The following PEPD variants were observed in gnomAD, a reference collection of about 807,000 sequenced individuals.
PEPD encodes the protein xaa-Pro dipeptidase.
PEPD carries 53 observed loss-of-function variants against 60.7 expected under a neutral mutation model. The ratio of observed to expected loss-of-function variants is 0.87; its 90% CI spans 0.70 to 1.10. PEPD has a LOEUF of 1.10. PEPD is among the 50% of genes least tolerant of loss of function. PEPD has a pLI of 0.00. For synonymous variants in PEPD, 267 were observed against 284.1 expected (o/e 0.94, Z 0.60); for missense variants, 711 against 711.9 (o/e 1.00, Z 0.01).
chr19:33,494,604 T>A (rs1304927694), intron 4 of PEPD, among the ~76,000 whole-genome samples: 1 of 152,230 alleles, frequency 6.6e-6, no homozygotes, highest in African/African-American at 2.4e-5. Flanking sequence ...TCTTCAAACA[T>A]GCAATTTTTA....
chr19:33,475,844 C>T (rs576737443), intron 7 of PEPD, among the ~76,000 whole-genome samples: 10 of 152,008 alleles, frequency 6.6e-5, no homozygotes, highest in South Asian at 2.1e-4. Context: ...TTGCCTTTTA[C>T]GGACAAGTCA....
intron 12 of PEPD, among the ~76,000 whole-genome samples, chr19:33,397,242 C>T (rs1179243489): frequency 6.6e-6 from 1 of 152,220 alleles, no homozygotes; most frequent in Non-Finnish European, 1.5e-5. Context: ...CCAAGGCCTG[C>T]ATTCCTCAAC....
At chr19:33,493,561 C>T (rs930209253) in intron 4 of PEPD, 1 of 621,946 alleles carries the variant, frequency 1.6e-6, no homozygotes, top group Admixed American at 2.3e-5. Flanking sequence ...GATAAACCTA[C>T]ACCTGGCTCG....
chr19:33,445,016 C>T (rs1969567302), intron 9 of PEPD, among the ~76,000 whole-genome samples: 2 of 152,216 alleles, frequency 1.3e-5, no homozygotes, highest in South Asian at 2.1e-4. Context: ...TGAAGTGCAA[C>T]GCAGGCTCCA....
intron 9 of PEPD, among the ~76,000 whole-genome samples, chr19:33,425,769 G>T (rs1046501795): frequency 6.6e-6 from 1 of 152,172 alleles, no homozygotes; most frequent in Non-Finnish European, 1.5e-5. Context: ...AACTGCCAGG[G>T]TGTCTCATGG....
At chr19:33,485,204 C>T (rs1970374638) in intron 6 of PEPD, among the ~76,000 whole-genome samples, 1 of 152,056 alleles carries the variant, frequency 6.6e-6, no homozygotes, top group African/African-American at 2.4e-5. Context: ...AATTAGAAAG[C>T]CAATCCTGGC....
At chr19:33,468,584 A>G in intron 7 of PEPD, among the ~76,000 whole-genome samples, 1 of 152,204 alleles carries the variant, frequency 6.6e-6, no homozygotes, top group East Asian at 1.9e-4. Context: ...GCCCTTGGGA[A>G]CTTCAAGGGA....
rs151181225 is a variant in PEPD, at chr19:33,480,840, G to GTGTA, written c.504-2751_504-2750insTACA. On this transcript the variant is annotated intron_variant, in intron 6 of 14. Transcript: ENST00000244137. Reference sequence around the variant, plus strand: ...TGTGTGTGTGTGTGTGTGTGTGTGTGTATATCAAAAACCTAACACGTAGCT... The same window carrying GTGTA: ...TGTGTGTGTGTGTGTGTGTGTGTGTGTGTATATATCAAAAACCTAACACGTAGCT... 5.5e-4 allele frequency among the ~76,000 whole-genome samples: 83 copies of GTGTA among 150,974 alleles called. 1 individual carries two copies. The highest frequency in any genetic ancestry group is 4.1e-3 in the East Asian group (21 of 5,144).
rs529210179 is a variant in PEPD at position 33,454,678 on chromosome 19, G to A, written c.671+8317C>T. Among the ~76,000 whole-genome samples, 4 of 152,080 alleles carry A rather than the reference G, an allele frequency of 2.6e-5. No individual in the cohort carries two copies. The East Asian group carries it at 7.7e-4, about 29-fold the overall frequency. ...AGGTTGAACAAATAAATAAATGAGG[G>A]AGAAGAGACAAATGTGTACAGAAGG... On this transcript the variant is annotated intron_variant, in intron 9 of 14. Coordinates refer to ENST00000244137, the MANE Select transcript of PEPD (RefSeq NM_000285.4).
chr19:33,389,301 C>G (rs969402297), intron 13 of PEPD, among the ~76,000 whole-genome samples: 3 of 152,112 alleles, frequency 2.0e-5, no homozygotes, highest in Admixed American at 6.5e-5. Context: ...GCCTCTGGGC[C>G]GCTGACCGGG....
chr19:33,451,837 T>C (rs143551269), intron 9 of PEPD, among the ~76,000 whole-genome samples: 126 of 152,218 alleles, frequency 8.3e-4, no homozygotes, highest in African/African-American at 3.0e-3. Context: ...AAATATATAA[T>C]AAAGACATAA....
chr19:33,492,173 G>T (rs1364240907), intron 5 of PEPD, among the ~76,000 whole-genome samples: 1 of 151,716 alleles, frequency 6.6e-6, no homozygotes, highest in Non-Finnish European at 1.5e-5. Flanking sequence ...AAATTCCAGA[G>T]AATTCTTTGG....
At chr19:33,444,968 G>T (rs566213714) in intron 9 of PEPD, among the ~76,000 whole-genome samples, 1 of 152,270 alleles carries the variant, frequency 6.6e-6, no homozygotes, top group African/African-American at 2.4e-5. Context: ...CCAGGCTGAG[G>T]CCAGCCCAGC....
intron 6 of PEPD, among the ~76,000 whole-genome samples, chr19:33,480,922 A>G (rs1056826324): frequency 1.3e-5 from 2 of 152,044 alleles, no homozygotes; most frequent in African/African-American, 4.8e-5. Flanking sequence ...CACATGGATC[A>G]TTCTCCAGGA....
chr19:33,454,826 T>G (rs1969767114), intron 9 of PEPD, among the ~76,000 whole-genome samples: 1 of 152,118 alleles, frequency 6.6e-6, no homozygotes, highest in South Asian at 2.1e-4. Flanking sequence ...AGCACTACCT[T>G]AGCCAGGTGA....
rs554120739 is a variant in PEPD, at chr19:33,407,151, C to T, written c.818+4521G>A. The stretch of plus-strand genomic sequence containing the variant: ...GCCACAGTAGATTAAGGCCCCCCTC[C>T]AACCCCCACCACCTGATCGGGAAGT... On this transcript the variant is annotated intron_variant, in intron 11 of 14. Coordinates refer to ENST00000244137, the MANE Select transcript of PEPD (RefSeq NM_000285.4). Among the ~76,000 whole-genome samples, 5 of 152,246 alleles carry T rather than the reference C, an allele frequency of 3.3e-5. No homozygotes were observed. The South Asian group carries it at 8.3e-4, about 25-fold the overall frequency.
chr19:33,455,749 A>G (rs1969784290), intron 9 of PEPD, among the ~76,000 whole-genome samples: 1 of 151,510 alleles, frequency 6.6e-6, no homozygotes, highest in South Asian at 2.1e-4. Flanking sequence ...CCTGGCCTCA[A>G]GCAATCCTCC....
intron 9 of PEPD, among the ~76,000 whole-genome samples, chr19:33,436,953 C>T (rs982091702): frequency 2.6e-5 from 4 of 152,148 alleles, no homozygotes; most frequent in Non-Finnish European, 5.9e-5. Flanking sequence ...TCCGATGAGG[C>T]AGAAGCCACA....
chr19:33,439,898 T>C (rs931992833), intron 9 of PEPD, among the ~76,000 whole-genome samples: 2 of 152,166 alleles, frequency 1.3e-5, no homozygotes, highest in Admixed American at 1.3e-4. Context: ...TTCTTGTTTT[T>C]GTAGAGATGG....
Sources: allele counts gnomAD v4.1 joint callset (sites outside exome capture counted in the v4.1 genomes callset), GRCh38; gene constraint gnomAD v4.1.1; transcripts MANE v1.5; gene names NCBI Gene and HGNC (gene_info 2026-07-23, HGNC 2026-07-21).